ARL15: variants seen among roughly 807,000 people sequenced by gnomAD.
The protein encoded by ARL15 is ARF like GTPase 15.
Under a neutral mutation model 25.2 loss-of-function variants are expected in ARL15, and 19 were observed. The ratio of observed to expected loss-of-function variants is 0.75; its 90% CI spans 0.53 to 1.10. ARL15 has a LOEUF of 1.10. Among genes scored for constraint, ARL15 ranks in the 50% least tolerant of loss-of-function variants. ARL15 has a pLI of 0.00. For synonymous variants in ARL15, 94 were observed against 86.8 expected (o/e 1.08, Z -0.46); for missense variants, 220 against 246.0 (o/e 0.89, Z 0.71).
chr5:54,057,674 T>C (rs1750922281), intron 4 of ARL15, among the ~76,000 whole-genome samples: 1 of 152,002 alleles, frequency 6.6e-6, no homozygotes, highest in Non-Finnish European at 1.5e-5. Flanking sequence ...AGACCTAGTC[T>C]CTACAAAAAA....
At chr5:53,915,305 A>G (rs1041705825) in intron 4 of ARL15, among the ~76,000 whole-genome samples, 4 of 152,202 alleles carry the variant, frequency 2.6e-5, no homozygotes, top group Admixed American at 6.5e-5. Context: ...CACACAAGGC[A>G]CTGTGCTGTG....
chr5:54,208,423 C>A (rs116582600), intron 1 of ARL15, among the ~76,000 whole-genome samples: 22 of 152,140 alleles, frequency 1.4e-4, no homozygotes, highest in African/African-American at 5.3e-4. Context: ...CACGCACACA[C>A]ACACATATTC....
At chr5:54,281,861 G>A (rs1032445043) in intron 1 of ARL15, among the ~76,000 whole-genome samples, 37 of 151,946 alleles carry the variant, frequency 2.4e-4, no homozygotes, top group African/African-American at 6.3e-4. Context: ...ATACATCCAC[G>A]GTGTATTATT....
Position 54,153,037 on chromosome 5 carries a change from C to A in ARL15, c.253+1543G>T, listed in dbSNP as rs145753780. Among the ~76,000 whole-genome samples, 21 of 150,354 alleles carry A rather than the reference C, an allele frequency of 1.4e-4. No homozygotes were observed. In the East Asian group the frequency reaches 4.1e-3, roughly 29 times the overall value. On this transcript the variant is annotated intron_variant, in intron 3 of 4. Coordinates refer to ENST00000504924, the MANE Select transcript of ARL15 (RefSeq NM_019087.3). Reference sequence around the variant, plus strand: ...ATTAACCAACCAATAGTTTCTTATACCTGGAAGGTGTTCAATAAAAGCTTT... The same window carrying A: ...ATTAACCAACCAATAGTTTCTTATAACTGGAAGGTGTTCAATAAAAGCTTT...
In ARL15 at chr5:54,120,583, CT is replaced by C. The variant is rs370259570; in HGVS notation, c.254-7174del. 3.6e-3 allele frequency among the ~76,000 whole-genome samples: 548 copies of C among 152,310 alleles called. 1 individual carries two copies. Among genetic ancestry groups the C allele is most frequent in the African/African-American group, 0.013 (527 of 41,570 alleles). ...TGGAGAAATGTTCCCTTCCGTACTC[CT>C]GCAAAAGCCAACAGCTGACTCCTTA... On this transcript the variant is annotated intron_variant, in intron 3 of 4. Transcript: ENST00000504924.
chr5:54,107,788 T>C (rs975284132), intron 4 of ARL15, among the ~76,000 whole-genome samples: 5 of 152,180 alleles, frequency 3.3e-5, no homozygotes, highest in African/African-American at 9.6e-5. Context: ...TTGACATATA[T>C]TGAGATGTAT....
chr5:54,039,185 T>C (rs1750257853), intron 4 of ARL15, among the ~76,000 whole-genome samples: 1 of 152,110 alleles, frequency 6.6e-6, no homozygotes. Context: ...CTCAACTAAA[T>C]ACACCCAATG....
Position 53,972,680 on chromosome 5 carries a change from T to C in ARL15, c.463-85967A>G, listed in dbSNP as rs145697860. ...GAGACTTTAGAGCCAGAAATCACTG[T>C]CTTATTATTATACAGGTTTACCGAG... On this transcript the variant is annotated intron_variant, in intron 4 of 4. Coordinates refer to ENST00000504924, the MANE Select transcript of ARL15 (RefSeq NM_019087.3). Among the ~76,000 whole-genome samples the C allele has an allele frequency of 4.2e-3, 637 of 152,300 alleles. 2 individuals carry two copies. Among genetic ancestry groups the C allele is most frequent in the African/African-American group, 0.015 (604 of 41,580 alleles).
At chr5:54,005,144 G>T (rs993682790) in intron 4 of ARL15, among the ~76,000 whole-genome samples, 2 of 151,948 alleles carry the variant, frequency 1.3e-5, no homozygotes, top group Non-Finnish European at 2.9e-5. Flanking sequence ...GAGCCACCAC[G>T]CCCAGCCCGT....
At chr5:54,294,932 C>T (rs998192160) in intron 1 of ARL15, among the ~76,000 whole-genome samples, 2 of 152,230 alleles carry the variant, frequency 1.3e-5, no homozygotes, top group East Asian at 1.9e-4. Flanking sequence ...GAGGAAAAGA[C>T]TGAATCATCA....
chr5:53,944,473 G>T (rs1407096134), intron 4 of ARL15, among the ~76,000 whole-genome samples: 2 of 152,082 alleles, frequency 1.3e-5, no homozygotes, highest in African/African-American at 2.4e-5. Flanking sequence ...TTTGCTGAGT[G>T]TGGTGGCATG....
chr5:53,930,203 A>G (rs534359110), intron 4 of ARL15, among the ~76,000 whole-genome samples: 3 of 152,310 alleles, frequency 2.0e-5, no homozygotes, highest in Middle Eastern at 3.4e-3. Context: ...TATATACTGC[A>G]ATTGGCTACC....
At position 54,305,155 on chromosome 5, in the gene ARL15, T is replaced by C. The variant is rs148026431; in HGVS notation, c.48+5277A>G. Among the ~76,000 whole-genome samples the C allele has an allele frequency of 3.6e-3, 544 of 152,198 alleles. 7 individuals are homozygous for C. Among genetic ancestry groups the C allele is most frequent in the African/African-American group, 0.013 (522 of 41,534 alleles). On this transcript the variant is annotated intron_variant, in intron 1 of 4. Coordinates refer to ENST00000504924, the MANE Select transcript of ARL15 (RefSeq NM_019087.3). Reference sequence around the variant, plus strand: ...AAACTAAATAGGTCAAGTCCACCAGTCTATACAAAGAAATCTTATTAAACT... The same window carrying C: ...AAACTAAATAGGTCAAGTCCACCAGCCTATACAAAGAAATCTTATTAAACT...
At chr5:54,251,764 A>G (rs1757241583) in intron 1 of ARL15, among the ~76,000 whole-genome samples, 1 of 152,208 alleles carries the variant, frequency 6.6e-6, no homozygotes, top group Non-Finnish European at 1.5e-5. Flanking sequence ...AGTGTCCCCA[A>G]TTAAGAACAC....
At chr5:54,113,614 T>G (rs987930166) in intron 3 of ARL15, among the ~76,000 whole-genome samples, 9 of 152,180 alleles carry the variant, frequency 5.9e-5, no homozygotes, top group Admixed American at 4.6e-4. Context: ...ATAGGTAGAT[T>G]TGGCCTTGAA....
At chr5:53,930,320 A>G (rs1746159362) in intron 4 of ARL15, among the ~76,000 whole-genome samples, 1 of 152,140 alleles carries the variant, frequency 6.6e-6, no homozygotes, top group South Asian at 2.1e-4. Flanking sequence ...TCCTCCTGTT[A>G]CTAAAAACCT....
chr5:53,981,106 C>A (rs1353946012), intron 4 of ARL15, among the ~76,000 whole-genome samples: 1 of 152,114 alleles, frequency 6.6e-6, no homozygotes, highest in Non-Finnish European at 1.5e-5. Flanking sequence ...TCAGAACGAA[C>A]CCCGGTTTAG....
chr5:54,308,399 A>AT (rs149775973), intron 1 of ARL15, among the ~76,000 whole-genome samples: 34,789 of 152,012 alleles, frequency 0.23, 4,403 homozygotes, highest in East Asian at 0.46. Context: ...CAAAATAATG[A>AT]TTTTTTTTAA....
chr5:54,309,902 T>C (rs1392972533), intron 1 of ARL15, among the ~76,000 whole-genome samples: 2 of 152,134 alleles, frequency 1.3e-5, no homozygotes, highest in Non-Finnish European at 2.9e-5. Context: ...CGAGGTAGTT[T>C]AGACCCGTCT....
Sources: gnomAD v4.1 joint callset for allele counts (sites outside exome capture counted in the v4.1 genomes callset) on GRCh38, gnomAD v4.1.1 for gene constraint, MANE v1.5 for transcripts, NCBI Gene and HGNC (gene_info 2026-07-23, HGNC 2026-07-21) for gene names.